Variants in HM13 observed in about 807,000 individuals in gnomAD.
The protein encoded by HM13 is signal peptide peptidase.
HM13 carries 18 observed loss-of-function variants against 50.0 expected under a neutral mutation model. That is an observed-to-expected ratio of 0.36 (90% CI 0.25 to 0.53). The LOEUF is 0.53. HM13 is among the 20% of genes least tolerant of loss of function. The pLI is 0.90. For synonymous variants in HM13, 197 were observed against 232.6 expected (o/e 0.85, Z 1.39); for missense variants, 393 against 552.4 (o/e 0.71, Z 2.89).
Position 31,521,454 on chromosome 20 carries a change from G to C in HM13, c.184-6030G>C, listed in dbSNP as rs1434080248. On this transcript the variant is annotated intron_variant, in intron 1 of 12. Transcript: ENST00000398174. ...TTAAAAGTACCTGCTGGCCAGGCGTGATGGCTCACGCCTGTAATCCCAGCA... is the reference window on the plus strand; with the variant it reads ...TTAAAAGTACCTGCTGGCCAGGCGTCATGGCTCACGCCTGTAATCCCAGCA... Among the ~76,000 whole-genome samples the C allele has an allele frequency of 2.6e-5, 4 of 152,106 alleles. No homozygotes were observed. In the East Asian group the frequency reaches 7.7e-4, roughly 29 times the overall value.
chr20:31,517,412 G>A (rs1262416927), intron 1 of HM13, among the ~76,000 whole-genome samples: 3 of 152,154 alleles, frequency 2.0e-5, no homozygotes, highest in Admixed American at 6.6e-5. Flanking sequence ...ATTAAACATT[G>A]GTTTAAAGGG....
At chr20:31,564,372 T>A (rs951883559) in intron 10 of HM13, among the ~76,000 whole-genome samples, 1 of 151,096 alleles carries the variant, frequency 6.6e-6, no homozygotes, top group Non-Finnish European at 1.5e-5. Flanking sequence ...AGCTCAGGAG[T>A]TCAAGACCAG....
At chr20:31,537,586 G>A (rs957703222) in intron 2 of HM13, among the ~76,000 whole-genome samples, 7 of 152,218 alleles carry the variant, frequency 4.6e-5, no homozygotes, top group Non-Finnish European at 8.8e-5. Context: ...TGTGACCATT[G>A]ACTGGAGCAT....
rs1190824500 is a variant in HM13 at position 31,539,022 on chromosome 20, A to G, written c.365+761A>G. 6 of 946,250 alleles carry G rather than the reference A, an allele frequency of 6.3e-6. No individual in the cohort carries two copies. The East Asian group carries it at 5.8e-4, about 91-fold the overall frequency. The allele number at this position is 946,250 out of a possible 1,614,324, so 58.6% of individuals were successfully genotyped here. A position where few individuals can be genotyped will look rare whatever the true frequency, so the allele number is the denominator to read the frequency against. Reference sequence around the variant, plus strand: ...TAGGATCACACCACTAATAAGCAACAGAGCCAGGATTCAAACCCAGGTGTG... The same window carrying G: ...TAGGATCACACCACTAATAAGCAACGGAGCCAGGATTCAAACCCAGGTGTG... On this transcript the variant is annotated intron_variant, in intron 3 of 12. Coordinates refer to ENST00000398174, the MANE Select transcript of HM13 (RefSeq NM_178581.3).
At position 31,544,988 on chromosome 20, in the gene HM13, G is replaced by A. The variant is rs771425200; in HGVS notation, c.407G>A (p.Arg136Gln). The A allele has an allele frequency of 1.9e-5, 31 of 1,614,158 alleles. No individual in the cohort carries two copies. Among genetic ancestry groups the A allele is most frequent in the Non-Finnish European group, 2.5e-5 (29 of 1,180,022 alleles). ...TTTTTTCCAGCCAGCTTTCCAAATC[G>A]ACAGTACCAGCTGCTCTTCACACAG... ...NKFFPASFPNRQYQLLFTQGS... is the reference protein window; with the variant it reads ...NKFFPASFPNQQYQLLFTQGS... The change falls in exon 4 of 13, where the codon CGA (arginine) becomes CAA (glutamine). Residue 136 changes from arginine to glutamine, a missense_variant. Physicochemically the swap from Arg to Gln is conservative, Grantham distance 43. Around this residue, in one of 3 missense-constraint regions of HM13, gnomAD observed 214 missense variants for 276.1 expected, o/e 0.77. Transcript: ENST00000398174.
intron 1 of HM13, among the ~76,000 whole-genome samples, chr20:31,518,247 C>G (rs551346624): frequency 1.3e-5 from 2 of 151,622 alleles, no homozygotes; most frequent in Admixed American, 1.3e-4. Context: ...GTTGGTCAGG[C>G]TGGTCTCAAA....
intron 2 of HM13, among the ~76,000 whole-genome samples, chr20:31,530,473 C>A (rs965756374): frequency 6.6e-6 from 1 of 150,624 alleles, no homozygotes; most frequent in African/African-American, 2.4e-5. Flanking sequence ...CAGTGGCGTG[C>A]GATCTCAGCT....
chr20:31,538,533 TGTTA>T (rs142770853), intron 3 of HM13: 17 of 1,389,322 alleles, frequency 1.2e-5, no homozygotes, highest in East Asian at 5.1e-5. Flanking sequence ...AGTAATGTCA[TGTTA>T]GTTGTGACAG....
rs371930686 is a variant in HM13, at chr20:31,551,670, G to A, written c.724+1549G>A. Among the ~76,000 whole-genome samples, 152 of 152,308 alleles carry A rather than the reference G, an allele frequency of 1.0e-3. 1 individual carries two copies. Among genetic ancestry groups the A allele is most frequent in the African/African-American group, 2.2e-3 (91 of 41,562 alleles). ...GCAAGGAAGAGAGGAAGATGCTGCCGGGAGGGCAGGCAACAGTGAGTGCAT... is the reference window on the plus strand; with the variant it reads ...GCAAGGAAGAGAGGAAGATGCTGCCAGGAGGGCAGGCAACAGTGAGTGCAT... On this transcript the variant is annotated intron_variant, in intron 7 of 12. Coordinates refer to ENST00000398174, the MANE Select transcript of HM13 (RefSeq NM_178581.3).
chr20:31,538,110 A>G, intron 2 of HM13, 69 bp from the exon 3 acceptor site: 1 of 1,583,736 alleles, frequency 6.3e-7, no homozygotes, highest in Non-Finnish European at 8.6e-7. Context: ...GAAGAGACGC[A>G]GGGACTCTGG....
At position 31,568,089 on chromosome 20, in the gene HM13, C is replaced by T. The variant is rs750475326; in HGVS notation, c.1046C>T (p.Ser349Leu). The T allele has an allele frequency of 3.1e-6, 5 of 1,610,226 alleles. No individual in the cohort carries two copies. Among genetic ancestry groups the T allele is most frequent in the African/African-American group, 2.7e-5 (2 of 74,948 alleles). Residue 349 changes from serine to leucine, a missense_variant, in exon 12 of 13, where the codon TCG becomes TTG. Physicochemically the swap from Ser to Leu is moderately radical, Grantham distance 145. Coordinates refer to ENST00000398174, the MANE Select transcript of HM13 (RefSeq NM_178581.3). ...TCTCTCTCACACAGCTACGAGTCCT[C>T]GGCGGAAATCCTGCCTCATACCCCG... ...EVTEMFSYES[S>L]AEILPHTPRL... is the part of the protein sequence containing the mutation.
chr20:31,526,449 G>A (rs370656494), intron 1 of HM13, among the ~76,000 whole-genome samples: 5 of 152,120 alleles, frequency 3.3e-5, no homozygotes, highest in Admixed American at 2.0e-4. Flanking sequence ...GAGCCACTGC[G>A]CCTGGCCTTC....
intron 4 of HM13, 67 bp downstream of exon 4, chr20:31,545,102 T>G (rs1256232374): frequency 7.9e-7 from 1 of 1,271,394 alleles, no homozygotes; most frequent in East Asian, 2.3e-5. Flanking sequence ...CCTTTGTCTC[T>G]CCAATATTGG....
At chr20:31,566,385 T>A (rs1984915989) in intron 11 of HM13, 90 bp downstream of exon 11, 1 of 1,037,728 alleles carries the variant, frequency 9.6e-7, no homozygotes. Context: ...TTTACACCTC[T>A]CCAGGGGAAC....
intron 6 of HM13, 38 bp from the exon 7 acceptor site, chr20:31,550,024 CCT>C: frequency 6.7e-7 from 1 of 1,499,690 alleles, no homozygotes; most frequent in Non-Finnish European, 9.3e-7. Context: ...CCCCACAGCC[CCT>C]CACTTCCCTT....
At chr20:31,521,749 C>G (rs1162896655) in intron 1 of HM13, among the ~76,000 whole-genome samples, 1 of 142,024 alleles carries the variant, frequency 7.0e-6, no homozygotes, top group East Asian at 1.9e-4. Context: ...AAAAAAAGTA[C>G]CTGCTTTGTG....
intron 10 of HM13, among the ~76,000 whole-genome samples, chr20:31,565,525 T>C (rs957597233): frequency 1.8e-4 from 27 of 150,448 alleles, no homozygotes; most frequent in Non-Finnish European, 3.4e-4. Flanking sequence ...AGTCCTGGGC[T>C]ATTTTCCCTC....
At chr20:31,547,639 A>G in intron 4 of HM13, 1 of 1,576,130 alleles carries the variant, frequency 6.3e-7, no homozygotes, top group Non-Finnish European at 8.6e-7. Context: ...AATCATGCCT[A>G]AGAAAGATCC....
intron 2 of HM13, among the ~76,000 whole-genome samples, chr20:31,531,108 A>G (rs889194485): frequency 2.0e-5 from 3 of 151,716 alleles, no homozygotes; most frequent in Non-Finnish European, 4.4e-5. Context: ...GCAGTGGCAC[A>G]TTCTCGGCTC....
Sources: allele counts gnomAD v4.1 joint callset (sites outside exome capture counted in the v4.1 genomes callset), GRCh38; gene constraint gnomAD v4.1.1; regional missense constraint gnomAD v4.1.1; transcripts MANE v1.5; gene names NCBI Gene and HGNC (gene_info 2026-07-23, HGNC 2026-07-21).